The following PACS1 variants were observed in gnomAD, a reference collection of about 807,000 sequenced individuals.
The protein encoded by PACS1 is PACS-1.
A neutral mutation model predicts 115.0 loss-of-function variants in PACS1; 24 were observed. The observed-to-expected ratio is 0.21, with a 90% CI of 0.15 to 0.29. The LOEUF is 0.29. PACS1 is among the 10% of genes least tolerant of loss of function. The pLI is 1.00. For synonymous variants in PACS1, 453 were observed against 504.5 expected (o/e 0.90, Z 1.37); for missense variants, 838 against 1,251.2 (o/e 0.67, Z 4.98).
intron 1 of PACS1, among the ~76,000 whole-genome samples, chr11:66,168,031 T>A (rs801732): frequency 0.29 from 43,500 of 149,964 alleles, 7,564 homozygotes; most frequent in Non-Finnish European, 0.35. Flanking sequence ...CACCTCAGCA[T>A]CCCAAGTAAC....
intron 1 of PACS1, among the ~76,000 whole-genome samples, chr11:66,156,001 A>G (rs1382629282): frequency 6.6e-6 from 1 of 151,914 alleles, no homozygotes; most frequent in Non-Finnish European, 1.5e-5. Flanking sequence ...GGTGCAAACC[A>G]GTGGATAGTG....
At chr11:66,224,503 C>T (rs1386024954) in intron 10 of PACS1, among the ~76,000 whole-genome samples, 2 of 152,226 alleles carry the variant, frequency 1.3e-5, no homozygotes, top group Admixed American at 6.5e-5. Context: ...GCTCATTGCT[C>T]ACCGACTACT....
intron 1 of PACS1, among the ~76,000 whole-genome samples, chr11:66,160,784 A>G (rs1176117984): frequency 1.3e-5 from 2 of 151,660 alleles, no homozygotes; most frequent in Non-Finnish European, 2.9e-5. Flanking sequence ...GGCCTCCCAA[A>G]GTGCTGGGAT....
intron 8 of PACS1, 117 bp downstream of exon 8, chr11:66,219,922 T>C (rs1041605635): frequency 2.4e-6 from 2 of 822,098 alleles, no homozygotes; most frequent in Admixed American, 1.8e-5. Context: ...TTAATATTCC[T>C]GCTCCCCGTG....
intron 11 of PACS1, among the ~76,000 whole-genome samples, chr11:66,227,869 T>C (rs1855498392): frequency 6.6e-6 from 1 of 152,176 alleles, no homozygotes; most frequent in Non-Finnish European, 1.5e-5. Flanking sequence ...TCACCATCTG[T>C]CACCAGCGTT....
intron 1 of PACS1, among the ~76,000 whole-genome samples, chr11:66,180,143 A>C (rs1019637360): frequency 1.3e-5 from 2 of 151,452 alleles, no homozygotes; most frequent in African/African-American, 4.8e-5. Flanking sequence ...TGCCCAGCAG[A>C]TTTTTTATAT....
intron 1 of PACS1, among the ~76,000 whole-genome samples, chr11:66,159,180 A>G (rs1285476421): frequency 2.0e-5 from 3 of 152,234 alleles, no homozygotes; most frequent in South Asian, 4.1e-4. Flanking sequence ...GCTCACGCCT[A>G]TAATCCCAGC....
At chr11:66,104,175 A>T (rs1434191356) in intron 1 of PACS1, among the ~76,000 whole-genome samples, 1 of 152,182 alleles carries the variant, frequency 6.6e-6, no homozygotes, top group Non-Finnish European at 1.5e-5. Flanking sequence ...GGGAATTCAG[A>T]TAGAGGGAAT....
Position 66,221,193 on chromosome 11 carries a change from G to A in PACS1, c.1239G>A (p.Thr413=), listed in dbSNP as rs149576765. The change falls in exon 10 of 24, where the codon ACG becomes ACA. Residue 413 remains threonine, a synonymous_variant. Coordinates refer to ENST00000320580, the MANE Select transcript of PACS1 (RefSeq NM_018026.4). Reference sequence around the variant, plus strand: ...GGATGTCGCAGTCCAGCTCCCAGACGGAGATTGGCAGCCTCAACAGCAAAG... The same window carrying A: ...GGATGTCGCAGTCCAGCTCCCAGACAGAGATTGGCAGCCTCAACAGCAAAG... The part of the protein sequence containing the change: ...FEGMSQSSSQ[T]EIGSLNSKGS... The A allele has an allele frequency of 1.9e-5, 31 of 1,614,102 alleles. No homozygotes were observed. The East Asian group carries it at 3.1e-4, about 16-fold the overall frequency.
intron 1 of PACS1, among the ~76,000 whole-genome samples, chr11:66,163,744 T>C (rs1859540740): frequency 6.6e-6 from 1 of 152,184 alleles, no homozygotes; most frequent in Non-Finnish European, 1.5e-5. Flanking sequence ...TGTTTTCTCT[T>C]TCTGAGTGCA....
chr11:66,149,945 C>T (rs1859200458), intron 1 of PACS1, among the ~76,000 whole-genome samples: 1 of 152,008 alleles, frequency 6.6e-6, no homozygotes, highest in African/African-American at 2.4e-5. Context: ...GATGGGGTTT[C>T]TCCATGTTAG....
Position 66,234,278 on chromosome 11 carries a change from C to T in PACS1, c.2104+36C>T, listed in dbSNP as rs74417829. On this transcript the variant is annotated intron_variant, in intron 17 of 23. Transcript: ENST00000320580. Reference sequence around the variant, plus strand: ...CGTGTAAGGAGCTTACTCCCACCCCCGGGGTCCACAGGTGCCAGCCTGGCT... The same window carrying T: ...CGTGTAAGGAGCTTACTCCCACCCCTGGGGTCCACAGGTGCCAGCCTGGCT... The T allele has an allele frequency of 4.0e-3, 5,766 of 1,450,572 alleles. 220 individuals carry two copies. In the African/African-American group the frequency reaches 0.072, roughly 18 times the overall value. The allele number at this position is 1,450,572 out of a possible 1,614,324, so 89.9% of individuals were successfully genotyped here. A position where few individuals can be genotyped will look rare whatever the true frequency, so the allele number is the denominator to read the frequency against.
At chr11:66,121,876 T>C (rs1590759075) in intron 1 of PACS1, among the ~76,000 whole-genome samples, 1 of 152,208 alleles carries the variant, frequency 6.6e-6, no homozygotes, top group African/African-American at 2.4e-5. Flanking sequence ...CAGCAAGTGC[T>C]GATGCAGAAG....
chr11:66,213,266 A>AT (rs922068047), intron 4 of PACS1, among the ~76,000 whole-genome samples: 3 of 152,162 alleles, frequency 2.0e-5, no homozygotes, highest in African/African-American at 4.8e-5. Flanking sequence ...TGCTACTATC[A>AT]TTTTTTTATT....
At chr11:66,161,586 GA>G (rs968076870) in intron 1 of PACS1, among the ~76,000 whole-genome samples, 2 of 151,740 alleles carry the variant, frequency 1.3e-5, no homozygotes, top group African/African-American at 4.8e-5. Context: ...TGGGCAATTA[GA>G]AAAAAAAGTG....
intron 1 of PACS1, among the ~76,000 whole-genome samples, chr11:66,144,627 T>G (rs1859077310): frequency 6.6e-6 from 1 of 152,178 alleles, no homozygotes; most frequent in Admixed American, 6.5e-5. Context: ...TGGTGTGAAG[T>G]ATGTTCATTA....
chr11:66,085,103 C>G (rs1234747082), intron 1 of PACS1, among the ~76,000 whole-genome samples: 1 of 152,168 alleles, frequency 6.6e-6, no homozygotes, highest in African/African-American at 2.4e-5. Flanking sequence ...AACTGTAGCC[C>G]CATAGCCTTT....
chr11:66,190,468 C>T (rs1041468257), intron 1 of PACS1, among the ~76,000 whole-genome samples: 1 of 152,132 alleles, frequency 6.6e-6, no homozygotes, highest in African/African-American at 2.4e-5. Flanking sequence ...CTCTGTCACC[C>T]AGGCTGGAGT....
At chr11:66,238,214 G>A (rs1303326466) in intron 19 of PACS1, 1 of 985,222 alleles carries the variant, frequency 1.0e-6, no homozygotes, top group African/African-American at 1.7e-5. Flanking sequence ...AGACCAGAGA[G>A]GAGAAGGCTG....
Sources: gnomAD v4.1 joint callset for allele counts (sites outside exome capture counted in the v4.1 genomes callset) on GRCh38, gnomAD v4.1.1 for gene constraint, MANE v1.5 for transcripts, NCBI Gene and HGNC (gene_info 2026-07-23, HGNC 2026-07-21) for gene names.